Variants in PPP2R2A observed in about 807,000 individuals in gnomAD.
The protein encoded by PPP2R2A is serine/threonine-protein phosphatase 2A 55 kDa regulatory subunit B alpha isoform.
In PPP2R2A, 9 loss-of-function variants were observed where a neutral mutation model predicts 53.2. The observed-to-expected ratio is 0.17, with a 90% CI of 0.10 to 0.30. PPP2R2A has a LOEUF of 0.30. Ranked by LOEUF, PPP2R2A falls within the 10% of genes least tolerant of loss-of-function variation. The pLI, the probability that PPP2R2A is intolerant of heterozygous loss-of-function variation, is 1.00. For synonymous variants in PPP2R2A, 169 were observed against 174.2 expected (o/e 0.97, Z 0.23); for missense variants, 235 against 534.6 (o/e 0.44, Z 5.53).
chr8:26,356,109 G>GTTC (rs1263173644), intron 4 of PPP2R2A, among the ~76,000 whole-genome samples: 1 of 151,922 alleles, frequency 6.6e-6, no homozygotes, highest in Non-Finnish European at 1.5e-5. Flanking sequence ...TAGGGTGAGG[G>GTTC]GAACCTCTTA....
At chr8:26,310,292 A>C (rs1585336119) in intron 2 of PPP2R2A, among the ~76,000 whole-genome samples, 1 of 24,338 alleles carries the variant, frequency 4.1e-5, no homozygotes, top group African/African-American at 1.6e-4. Context: ...AAAAAAAAAA[A>C]AAAAAAACAC....
At chr8:26,300,314 A>G (rs1801723736) in intron 2 of PPP2R2A, among the ~76,000 whole-genome samples, 1 of 152,242 alleles carries the variant, frequency 6.6e-6, no homozygotes, top group Non-Finnish European at 1.5e-5. Flanking sequence ...AATGTATTAA[A>G]TCAGTGAAGA....
chr8:26,342,457 T>C (rs1219167251), intron 3 of PPP2R2A, among the ~76,000 whole-genome samples: 2 of 152,174 alleles, frequency 1.3e-5, no homozygotes, highest in Non-Finnish European at 2.9e-5. Flanking sequence ...TTTTTGTTGT[T>C]TCCATGGGTG....
intron 3 of PPP2R2A, among the ~76,000 whole-genome samples, chr8:26,347,172 C>CTT (rs1223241486): frequency 4.2e-5 from 6 of 141,472 alleles, no homozygotes; most frequent in Admixed American, 1.4e-4. Flanking sequence ...TAAAATGAAT[C>CTT]TTTTTTTTTT....
chr8:26,336,319 C>G (rs974726235), intron 2 of PPP2R2A, among the ~76,000 whole-genome samples: 1 of 152,008 alleles, frequency 6.6e-6, no homozygotes, highest in African/African-American at 2.4e-5. Flanking sequence ...GTCCCAGCTA[C>G]TTGGGGAGCT....
chr8:26,323,067 A>G (rs1802921246), intron 2 of PPP2R2A, among the ~76,000 whole-genome samples: 1 of 152,138 alleles, frequency 6.6e-6, no homozygotes, highest in South Asian at 2.1e-4. Context: ...GTTCCTGTGC[A>G]GTCTCCTTTT....
At chr8:26,368,413 A>AC (rs1805491586) in intron 9 of PPP2R2A, among the ~76,000 whole-genome samples, 1 of 152,192 alleles carries the variant, frequency 6.6e-6, no homozygotes, top group African/African-American at 2.4e-5. Flanking sequence ...AGAGCTTCAA[A>AC]CTTACGAAGT....
chr8:26,347,879 T>A (rs997380396), intron 3 of PPP2R2A, among the ~76,000 whole-genome samples: 3 of 152,148 alleles, frequency 2.0e-5, no homozygotes, highest in African/African-American at 7.2e-5. Flanking sequence ...ATCATTAGTT[T>A]AGAGAAAGTT....
intron 3 of PPP2R2A, among the ~76,000 whole-genome samples, chr8:26,348,259 A>G (rs1031133142): frequency 2.6e-5 from 4 of 152,182 alleles, no homozygotes; most frequent in African/African-American, 7.2e-5. Flanking sequence ...TCCACGGAGC[A>G]AAGTAAATAT....
At position 26,292,144 on chromosome 8, in the gene PPP2R2A, CTG is replaced by C. The variant is rs549009435; in HGVS notation, c.7+319_7+320del. On this transcript the variant is annotated intron_variant, in intron 1 of 9. Coordinates refer to ENST00000380737, the MANE Select transcript of PPP2R2A (RefSeq NM_002717.4). Reference sequence around the variant, plus strand: ...AGATTTGTCCCTCCCGCTCGGGAGCCTGGTGGATCTTCTCCCACCTCCCCACC... The same window carrying C: ...AGATTTGTCCCTCCCGCTCGGGAGCCGTGGATCTTCTCCCACCTCCCCACC... 1,137 of 1,212,542 alleles carry C rather than the reference CTG, an allele frequency of 9.4e-4. 8 individuals carry two copies. In the African/African-American group the frequency reaches 0.017, roughly 18 times the overall value. 75.1% of individuals were successfully genotyped at this position (1,212,542 alleles called of 1,614,324 possible). A position where few individuals can be genotyped will look rare whatever the true frequency, so the allele number is the denominator to read the frequency against.
chr8:26,306,737 A>G (rs1333462595), intron 2 of PPP2R2A, among the ~76,000 whole-genome samples: 2 of 152,076 alleles, frequency 1.3e-5, no homozygotes, highest in Non-Finnish European at 2.9e-5. Flanking sequence ...CCAGCTACTC[A>G]AGAGGCCAAG....
intron 2 of PPP2R2A, among the ~76,000 whole-genome samples, chr8:26,312,228 A>C (rs1251505259): frequency 6.6e-6 from 1 of 152,242 alleles, no homozygotes; most frequent in African/African-American, 2.4e-5. Flanking sequence ...TTCCTTATTC[A>C]GAAGTGTGCT....
chr8:26,302,458 C>T (rs186894106), intron 2 of PPP2R2A, among the ~76,000 whole-genome samples: 9 of 152,132 alleles, frequency 5.9e-5, no homozygotes, highest in South Asian at 2.1e-4. Flanking sequence ...TACGGGTGAC[C>T]GATGCATGTG....
rs1801294947 is a variant in PPP2R2A, at chr8:26,291,572, C to G, written c.-248C>G. 3.7e-6 allele frequency: 2 copies of G among 541,332 alleles called. No individual in the cohort carries two copies. The highest frequency in any genetic ancestry group is 3.3e-6 in the Non-Finnish European group (1 of 306,360). The allele number at this position is 541,332 out of a possible 1,614,324, so 33.5% of individuals were successfully genotyped here. ...CCTGCCGCTGCCGCCGCCGCCGTCG[C>G]TGTCGTAGTCGCCGCCGCCGCTGCC... On this transcript the variant is annotated 5_prime_UTR_variant, in exon 1 of 10. Transcript: ENST00000380737.
At position 26,360,794 on chromosome 8, in the gene PPP2R2A, T is replaced by G; in HGVS notation, c.460-180T>G. The G allele has an allele frequency of 1.8e-6, 1 of 547,720 alleles. No individual in the cohort carries two copies. Among genetic ancestry groups the G allele is most frequent in the Non-Finnish European group, 3.1e-6 (1 of 324,604 alleles). The allele number at this position is 547,720 out of a possible 1,614,324, so 33.9% of individuals were successfully genotyped here. On this transcript the variant is annotated intron_variant, in intron 5 of 9. Coordinates refer to ENST00000380737, the MANE Select transcript of PPP2R2A (RefSeq NM_002717.4). This position sits in a 1 kb window ranked among gnomAD's most constrained non-coding sequence, Gnocchi z 4.5. ...GTAAAAGAAGATATATTATCCACAT[T>G]GTTCATTTTTTCTTCAGCACTCGAA...
At chr8:26,346,824 C>G (rs1804244449) in intron 3 of PPP2R2A, among the ~76,000 whole-genome samples, 1 of 152,166 alleles carries the variant, frequency 6.6e-6, no homozygotes, top group African/African-American at 2.4e-5. Context: ...GGAGGACTTT[C>G]TTATTAGAAT....
chr8:26,291,543 T>A lies in PPP2R2A; in HGVS notation c.-277T>A, dbSNP rs1801290714. The A allele has an allele frequency of 4.5e-6, 2 of 441,320 alleles. No individual in the cohort carries two copies. Among genetic ancestry groups the A allele is most frequent in the South Asian group, 2.3e-5 (1 of 44,350 alleles). The allele number at this position is 441,320 out of a possible 1,614,324, so 27.3% of individuals were successfully genotyped here. ...GCGCCATTTTGAAAGTGGAGTCGCCTGCCCCTGCCGCTGCCGCCGCCGCCG... is the reference window on the plus strand; with the variant it reads ...GCGCCATTTTGAAAGTGGAGTCGCCAGCCCCTGCCGCTGCCGCCGCCGCCG... On this transcript the variant is annotated 5_prime_UTR_variant, in exon 1 of 10. Transcript: ENST00000380737.
chr8:26,341,188 A>C (rs575863472), intron 3 of PPP2R2A, among the ~76,000 whole-genome samples: 3 of 152,210 alleles, frequency 2.0e-5, no homozygotes, highest in Non-Finnish European at 4.4e-5. Context: ...AAAGATGATG[A>C]TGGTGATTGA....
Position 26,321,744 on chromosome 8 carries a change from C to A in PPP2R2A, c.83-17146C>A, listed in dbSNP as rs966994918. Among the ~76,000 whole-genome samples the A allele has an allele frequency of 4.6e-5, 7 of 152,176 alleles. No individual in the cohort carries two copies. The highest frequency in any genetic ancestry group is 1.7e-4 in the African/African-American group (7 of 41,442). ...CGGATACCTGCAACTTTGTGAGAGA[C>A]CTTGAACGCAAGGCCCCCTGGCTAA... On this transcript the variant is annotated intron_variant, in intron 2 of 9. Coordinates refer to ENST00000380737, the MANE Select transcript of PPP2R2A (RefSeq NM_002717.4). This position sits in a 1 kb window ranked among gnomAD's most constrained non-coding sequence, Gnocchi z 4.1.
Sources: allele counts gnomAD v4.1 joint callset (sites outside exome capture counted in the v4.1 genomes callset), GRCh38; gene constraint gnomAD v4.1.1; non-coding constraint Gnocchi (gnomAD v3.1); transcripts MANE v1.5; gene names NCBI Gene and HGNC (gene_info 2026-07-23, HGNC 2026-07-21).